MAGI2: variants seen among roughly 807,000 people sequenced by gnomAD.
MAGI2 encodes the protein membrane-associated guanylate kinase, WW and PDZ domain-containing protein 2.
A neutral mutation model predicts 133.3 loss-of-function variants in MAGI2; 35 were observed. The ratio of observed to expected loss-of-function variants is 0.26; its 90% CI spans 0.20 to 0.35. MAGI2 has a LOEUF of 0.35. Ranked by LOEUF, MAGI2 falls within the 10% of genes least tolerant of loss-of-function variation. MAGI2 has a pLI of 1.00. For missense variants in MAGI2, 1,636 were observed against 1,863.4 expected, an observed-to-expected ratio of 0.88 and a Z score of 2.25; for synonymous variants, 729 against 710.6, an observed-to-expected ratio of 1.03 and a Z score of -0.41.
intron 3 of MAGI2, among the ~76,000 whole-genome samples, chr7:78,570,871 A>C (rs141221084): frequency 3.2e-4 from 48 of 152,172 alleles, no homozygotes; most frequent in Non-Finnish European, 2.8e-4. Flanking sequence ...TAACAAATTC[A>C]ATGTCTGTGA....
At chr7:78,881,231 A>G (rs1184562738) in intron 2 of MAGI2, among the ~76,000 whole-genome samples, 1 of 152,136 alleles carries the variant, frequency 6.6e-6, no homozygotes, top group Non-Finnish European at 1.5e-5. Flanking sequence ...CCTAATAGAC[A>G]TCTATAGACC....
At chr7:78,989,620 G>A (rs889167691) in intron 2 of MAGI2, among the ~76,000 whole-genome samples, 3 of 152,022 alleles carry the variant, frequency 2.0e-5, no homozygotes, top group African/African-American at 4.8e-5. Context: ...AGCAGCCAGT[G>A]CTCCTCCCCC....
chr7:79,117,764 C>T (rs17474610), intron 1 of MAGI2, among the ~76,000 whole-genome samples: 1 of 152,118 alleles, frequency 6.6e-6, no homozygotes, highest in Non-Finnish European at 1.5e-5. Context: ...GAATATATAG[C>T]TAAAAAGCTT....
At chr7:79,095,649 C>T (rs547167821) in intron 1 of MAGI2, among the ~76,000 whole-genome samples, 97 of 152,272 alleles carry the variant, frequency 6.4e-4, no homozygotes, top group African/African-American at 2.1e-3. Context: ...AAGAGCCAGT[C>T]TGTGGAACAG....
At chr7:78,890,132 G>A (rs542029921) in intron 2 of MAGI2, among the ~76,000 whole-genome samples, 1 of 152,126 alleles carries the variant, frequency 6.6e-6, no homozygotes, top group African/African-American at 2.4e-5. Context: ...GACAAAGAAG[G>A]CCATTACATA....
At chr7:79,042,991 A>G (rs982386435) in intron 1 of MAGI2, among the ~76,000 whole-genome samples, 1 of 152,160 alleles carries the variant, frequency 6.6e-6, no homozygotes, top group African/African-American at 2.4e-5. Flanking sequence ...TTTTGGGTAA[A>G]TGGTGACATT....
intron 21 of MAGI2, 136 bp from the exon 22 acceptor site, chr7:78,020,112 C>T (rs1223697430): frequency 1.3e-6 from 1 of 767,836 alleles, no homozygotes; most frequent in Non-Finnish European, 2.0e-6. Flanking sequence ...CACCCCCACC[C>T]CCACCCTCAC....
At chr7:79,190,569 T>C (rs1827561780) in intron 1 of MAGI2, among the ~76,000 whole-genome samples, 2 of 151,896 alleles carry the variant, frequency 1.3e-5, no homozygotes, top group South Asian at 2.1e-4. Flanking sequence ...CTAGTTTTAC[T>C]TTTTCATTCT....
At chr7:78,912,101 T>C (rs1798443845) in intron 2 of MAGI2, among the ~76,000 whole-genome samples, 1 of 152,190 alleles carries the variant, frequency 6.6e-6, no homozygotes, top group Non-Finnish European at 1.5e-5. Context: ...AAACTTCCAA[T>C]GATATTCTTA....
chr7:78,610,680 C>G (rs887339976), intron 3 of MAGI2, among the ~76,000 whole-genome samples: 2 of 152,142 alleles, frequency 1.3e-5, no homozygotes, highest in African/African-American at 2.4e-5. Context: ...GTATATTTTC[C>G]AAACTTGTTT....
chr7:78,197,663 T>C lies in MAGI2; in HGVS notation c.2080-2600A>G, dbSNP rs184484008. Among the ~76,000 whole-genome samples the C allele has an allele frequency of 1.8e-3, 268 of 152,360 alleles. 2 individuals are homozygous for C. The highest frequency in any genetic ancestry group is 3.4e-3 in the Middle Eastern group (1 of 294). On this transcript the variant is annotated intron_variant, in intron 11 of 21. Coordinates refer to ENST00000354212, the MANE Select transcript of MAGI2 (RefSeq NM_012301.4). ...ATTAGTCAAGAGTCCAGTTCATGCT[T>C]AGTAAAGCATTCACAACTTCCTGTT...
intron 2 of MAGI2, among the ~76,000 whole-genome samples, chr7:78,966,835 C>CTTTTT (rs34597215): frequency 7.7e-6 from 1 of 129,088 alleles, no homozygotes; most frequent in Non-Finnish European, 1.7e-5. Flanking sequence ...GCCTACACGT[C>CTTTTT]TTTTTTTTTT....
At position 79,378,995 on chromosome 7, in the gene MAGI2, T is replaced by C. The variant is rs540545589; in HGVS notation, c.301+74025A>G. On this transcript the variant is annotated intron_variant, in intron 1 of 21. Transcript: ENST00000354212. ...ATTAAACTTTAAGTTCTAGGGTACA[T>C]GTGTGTGCACAACACGCAGGTTTGT... Among the ~76,000 whole-genome samples the C allele has an allele frequency of 4.9e-4, 71 of 146,078 alleles. 3 individuals carry two copies. In the South Asian group the frequency reaches 0.016, roughly 32 times the overall value.
intron 2 of MAGI2, among the ~76,000 whole-genome samples, chr7:78,893,819 A>T (rs926073988): frequency 5.9e-5 from 9 of 152,206 alleles, no homozygotes; most frequent in Non-Finnish European, 1.0e-4. Flanking sequence ...TGGCGCATAT[A>T]TACATATGTA....
intron 21 of MAGI2, chr7:78,039,538 T>C (rs748155409): frequency 4.6e-5 from 7 of 152,224 alleles, no homozygotes; most frequent in Non-Finnish European, 8.8e-5. Flanking sequence ...TTTGGAAAAT[T>C]AGACCTTCTT....
intron 20 of MAGI2, among the ~76,000 whole-genome samples, chr7:78,094,704 C>T (rs1817544620): frequency 6.6e-6 from 1 of 152,190 alleles, no homozygotes. Flanking sequence ...AGACAATGTG[C>T]AATTGATTTA....
chr7:78,484,462 A>G (rs777082480), intron 6 of MAGI2: 1 of 152,006 alleles, frequency 6.6e-6, no homozygotes, highest in Non-Finnish European at 1.5e-5. Flanking sequence ...TAAAATTCAT[A>G]CATATTGAAT....
At chr7:79,098,339 T>C (rs1271918126) in intron 1 of MAGI2, among the ~76,000 whole-genome samples, 1 of 152,206 alleles carries the variant, frequency 6.6e-6, no homozygotes, top group Admixed American at 6.5e-5. Context: ...TAATTGTATT[T>C]ACAATACTGT....
chr7:78,866,947 C>T (rs924108817), intron 2 of MAGI2, among the ~76,000 whole-genome samples: 1 of 151,952 alleles, frequency 6.6e-6, no homozygotes, highest in African/African-American at 2.4e-5. Context: ...AAATGCTCAC[C>T]ATCACTGGCC....
Sources: allele counts gnomAD v4.1 joint callset (sites outside exome capture counted in the v4.1 genomes callset), GRCh38; gene constraint gnomAD v4.1.1; transcripts MANE v1.5; gene names NCBI Gene and HGNC (gene_info 2026-07-23, HGNC 2026-07-21).